SLC39A14: variants seen among roughly 807,000 people sequenced by gnomAD.
The protein encoded by SLC39A14 is solute carrier family 39 member 14.
Under a neutral mutation model 45.5 loss-of-function variants are expected in SLC39A14, and 19 were observed. That is an observed-to-expected ratio of 0.42 (90% CI 0.29 to 0.61). The LOEUF (loss-of-function observed/expected upper bound fraction) is 0.61. Ranked by LOEUF, SLC39A14 falls within the 20% of genes least tolerant of loss-of-function variation. The probability of loss-of-function intolerance (pLI) is 0.22; values close to 1 mark genes in which losing one functional copy is unlikely to be tolerated. For missense variants in SLC39A14, 447 were observed against 616.5 expected (o/e 0.73, Z 2.91); for synonymous variants, 264 against 251.3 (o/e 1.05, Z -0.48).
At chr8:22,408,620 T>C (rs1456552147) in intron 3 of SLC39A14, 124 bp downstream of exon 3, 5 of 920,846 alleles carry the variant, frequency 5.4e-6, no homozygotes, top group Non-Finnish European at 8.0e-6. Context: ...GATGAGGTTG[T>C]CGGTGTCAGG....
At chr8:22,430,141 T>G (rs936044150) in intron 8 of SLC39A14, among the ~76,000 whole-genome samples, 1 of 152,150 alleles carries the variant, frequency 6.6e-6, no homozygotes, top group Non-Finnish European at 1.5e-5. Context: ...ACATTTGTTT[T>G]TGTTTGTTTG....
At chr8:22,433,698 C>T (rs758377618) in intron 8 of SLC39A14, among the ~76,000 whole-genome samples, 1 of 151,848 alleles carries the variant, frequency 6.6e-6, no homozygotes, top group Non-Finnish European at 1.5e-5. Flanking sequence ...TAGCTGGGAC[C>T]ACAGGCGCAT....
At chr8:22,369,472 C>T (rs1037939991) in intron 1 of SLC39A14, among the ~76,000 whole-genome samples, 5 of 152,250 alleles carry the variant, frequency 3.3e-5, no homozygotes, top group Admixed American at 1.3e-4. Flanking sequence ...CTGGTCTGTG[C>T]TGGGCTCTGC....
chr8:22,393,728 G>A (rs2132252283), intron 1 of SLC39A14, among the ~76,000 whole-genome samples: 1 of 152,262 alleles, frequency 6.6e-6, no homozygotes, highest in East Asian at 1.9e-4. Context: ...CTGGGGTGCG[G>A]TGGCACAGTC....
intron 5 of SLC39A14, 60 bp downstream of exon 5, chr8:22,414,962 G>A: frequency 1.9e-6 from 3 of 1,583,130 alleles, no homozygotes; most frequent in Non-Finnish European, 2.6e-6. Flanking sequence ...CTCAAACAAT[G>A]TTGATGTATT....
chr8:22,399,753 C>T (rs1015446230), intron 1 of SLC39A14, among the ~76,000 whole-genome samples: 2 of 152,238 alleles, frequency 1.3e-5, no homozygotes, highest in Admixed American at 1.3e-4. Context: ...GCCGAGGGGC[C>T]GCTGGGTCTG....
chr8:22,408,562 G>T (rs1033582703), intron 3 of SLC39A14, 66 bp downstream of exon 3: 1 of 1,434,614 alleles, frequency 7.0e-7, no homozygotes, highest in Non-Finnish European at 9.4e-7. Context: ...GGACCCCTGG[G>T]CTGAGCTGCT....
chr8:22,427,500 A>C (rs1286059901), downstream of SLC39A14, among the ~76,000 whole-genome samples: 1 of 151,906 alleles, frequency 6.6e-6, no homozygotes, highest in Non-Finnish European at 1.5e-5. Context: ...TTTAATTATA[A>C]ATGCTAGTAA....
At position 22,396,403 on chromosome 8, in the gene SLC39A14, GAGAGAGAGA is replaced by G. The variant is rs1353775695; in HGVS notation, c.-15-8292_-15-8284del. Among the ~76,000 whole-genome samples the G allele has an allele frequency of 3.8e-4, 3 of 7,960 alleles. 1 individual carries two copies. The highest frequency in any genetic ancestry group is 0.031 in the East Asian group (2 of 64). 5.2% of individuals were successfully genotyped at this position (7,960 alleles called of 152,430 possible). A position where few individuals can be genotyped will look rare whatever the true frequency, so the allele number is the denominator to read the frequency against. The stretch of plus-strand genomic sequence containing the variant: ...AAATAAATAGAGAGAGAGAGAGAGA[GAGAGAGAGA>G]GGGGGGGGGGAGAGAGAGAGAGAGA... On this transcript the variant is annotated intron_variant, in intron 1 of 8. Coordinates refer to ENST00000381237, the MANE Select transcript of SLC39A14 (RefSeq NM_001128431.4).
chr8:22,426,816 T>A (rs955041685), downstream of SLC39A14, among the ~76,000 whole-genome samples: 1 of 152,074 alleles, frequency 6.6e-6, no homozygotes, highest in Non-Finnish European at 1.5e-5. Flanking sequence ...CCGAAGTAGC[T>A]GGGATTTCAG....
At chr8:22,391,751 G>A (rs375767827) in intron 1 of SLC39A14, among the ~76,000 whole-genome samples, 6 of 152,130 alleles carry the variant, frequency 3.9e-5, no homozygotes, top group African/African-American at 1.4e-4. Flanking sequence ...TGTATTTTTA[G>A]TAGAGACGGG....
intron 1 of SLC39A14, among the ~76,000 whole-genome samples, chr8:22,387,921 A>G (rs1833872854): frequency 1.3e-5 from 2 of 152,230 alleles, no homozygotes; most frequent in Admixed American, 6.5e-5. Flanking sequence ...AACATGGAGA[A>G]ACCCCGTCTC....
At chr8:22,406,588 A>T (rs979429275) in intron 2 of SLC39A14, among the ~76,000 whole-genome samples, 1 of 152,166 alleles carries the variant, frequency 6.6e-6, no homozygotes, top group African/African-American at 2.4e-5. Context: ...GCTACTTGGG[A>T]GGCTGAGGCA....
intron 1 of SLC39A14, among the ~76,000 whole-genome samples, chr8:22,387,754 C>G (rs551199852): frequency 5.3e-5 from 8 of 152,316 alleles, no homozygotes; most frequent in Admixed American, 4.6e-4. Flanking sequence ...CTTCAGAGCC[C>G]TGGGCCAGGT....
At chr8:22,385,059 C>A (rs1192430875) in intron 1 of SLC39A14, among the ~76,000 whole-genome samples, 1 of 151,122 alleles carries the variant, frequency 6.6e-6, no homozygotes, top group Non-Finnish European at 1.5e-5. Context: ...TCAAAAAAAA[C>A]ACAAAAAAAC....
At chr8:22,408,619 G>C (rs1177917241) in intron 3 of SLC39A14, 123 bp downstream of exon 3, 3 of 918,548 alleles carry the variant, frequency 3.3e-6, no homozygotes, top group African/African-American at 3.3e-5. Context: ...GGATGAGGTT[G>C]TCGGTGTCAG....
In SLC39A14 at chr8:22,379,247, G is replaced by A. The variant is rs144875627; in HGVS notation, c.-16+11839G>A. Among the ~76,000 whole-genome samples the A allele has an allele frequency of 3.4e-4, 52 of 152,214 alleles. 3 individuals carry two copies. The highest frequency in any genetic ancestry group is 3.4e-3 in the Middle Eastern group (1 of 292). Reference sequence around the variant, plus strand: ...CCAGGACAATTTCATCTTGACATCCGTAACTGATTTTATCTGCAAAGTCTC... The same window carrying A: ...CCAGGACAATTTCATCTTGACATCCATAACTGATTTTATCTGCAAAGTCTC... On this transcript the variant is annotated intron_variant, in intron 1 of 8. Transcript: ENST00000381237.
chr8:22,378,252 A>G (rs1407052944), intron 1 of SLC39A14, among the ~76,000 whole-genome samples: 2 of 152,194 alleles, frequency 1.3e-5, no homozygotes, highest in Non-Finnish European at 2.9e-5. Flanking sequence ...AGAGCAGGCA[A>G]GTGTGTTAGT....
downstream of SLC39A14, among the ~76,000 whole-genome samples, chr8:22,425,028 CA>C (rs71544902): frequency 0.066 from 4,929 of 74,222 alleles, 149 homozygotes; most frequent in African/African-American, 0.21. Context: ...GACTCCGTCT[CA>C]AAAAAAAAAA....
Sources: allele counts gnomAD v4.1 joint callset (sites outside exome capture counted in the v4.1 genomes callset), GRCh38; gene constraint gnomAD v4.1.1; transcripts MANE v1.5; gene names NCBI Gene and HGNC (gene_info 2026-07-23, HGNC 2026-07-21).